CUX1: variants seen among roughly 807,000 people sequenced by gnomAD.
CUX1 encodes cut like homeobox 1, also known as protein CASP.
A neutral mutation model predicts 158.8 loss-of-function variants in CUX1; 31 were observed. The ratio of observed to expected loss-of-function variants is 0.20; its 90% CI spans 0.15 to 0.26. The LOEUF (loss-of-function observed/expected upper bound fraction) is 0.26, where lower values mean the gene tolerates loss of function less well. Among genes scored for constraint, CUX1 ranks in the 10% least tolerant of loss-of-function variants. The pLI is 1.00. For missense variants in CUX1, 1,589 were observed against 2,014.6 expected (o/e 0.79, Z 4.04); for synonymous variants, 879 against 862.1 (o/e 1.02, Z -0.34).
intron 3 of CUX1, among the ~76,000 whole-genome samples, chr7:102,056,732 G>A (rs1456171816): frequency 2.6e-5 from 4 of 151,846 alleles, no homozygotes; most frequent in South Asian, 2.1e-4. Context: ...CACCATGCTC[G>A]GCTACTTTTT....
Position 102,253,947 on chromosome 7 carries a change from C to G in CUX1, c.*4905C>G, listed in dbSNP as rs2734606. The G allele has an allele frequency of 0.69, 680,591 of 985,244 alleles. 235,652 individuals are homozygous for G. The highest frequency in any genetic ancestry group is 0.93 in the East Asian group (8,178 of 8,806). 61.0% of individuals were successfully genotyped at this position (985,244 alleles called of 1,614,324 possible). Reference sequence around the variant, plus strand: ...TGTCCCTTCTACCTCACTAACCTGTCTTCTCCATCTGATGTCACCCAGAAC... The same window carrying G: ...TGTCCCTTCTACCTCACTAACCTGTGTTCTCCATCTGATGTCACCCAGAAC... On this transcript the variant is annotated 3_prime_UTR_variant, in exon 24 of 24. Coordinates refer to ENST00000292535, the MANE Select transcript of CUX1 (RefSeq NM_181552.4).
At position 101,823,285 on chromosome 7, in the gene CUX1, C is replaced by T. The variant is rs1412051306; in HGVS notation, c.30+5616C>T. On this transcript the variant is annotated intron_variant, in intron 1 of 23. Coordinates refer to ENST00000292535, the MANE Select transcript of CUX1 (RefSeq NM_181552.4). ...AATCACACAGGTGACTGGAACGGAG[C>T]CAAGGATGGTGGTGTTCCTCCTAGG... Among the ~76,000 whole-genome samples the T allele has an allele frequency of 6.6e-5, 10 of 152,222 alleles. No homozygotes were observed. The East Asian group carries it at 1.2e-3, about 18-fold the overall frequency.
intron 8 of CUX1, among the ~76,000 whole-genome samples, chr7:102,134,063 G>A (rs1332924593): frequency 6.6e-6 from 1 of 152,188 alleles, no homozygotes; most frequent in African/African-American, 2.4e-5. Context: ...GTCCTGGCGC[G>A]CTGGCTCACA....
At chr7:102,119,874 C>T (rs782020245) in intron 8 of CUX1, among the ~76,000 whole-genome samples, 1 of 152,160 alleles carries the variant, frequency 6.6e-6, no homozygotes, top group African/African-American at 2.4e-5. Context: ...AAAAACATAG[C>T]TCCTTCTCAG....
chr7:102,204,417 C>T lies in CUX1; in HGVS notation c.2934C>T (p.Val978=), dbSNP rs749345115. ...EKVLGLSQGS[V]SDMLSRPKPW... ...TGCTGGGCCTGTCCCAGGGCAGCGT[C>T]AGCGACATGCTGTCCCGACCGAAGC... Residue 978 remains valine, a synonymous_variant, in exon 19 of 24, where the codon GTC becomes GTT. Coordinates refer to ENST00000292535, the MANE Select transcript of CUX1 (RefSeq NM_181552.4). 5 of 1,613,626 alleles carry T rather than the reference C, an allele frequency of 3.1e-6. No homozygotes were observed. The highest frequency in any genetic ancestry group is 4.2e-6 in the Non-Finnish European group (5 of 1,180,032).
At chr7:102,124,755 G>A (rs782389949) in intron 8 of CUX1, among the ~76,000 whole-genome samples, 8 of 151,974 alleles carry the variant, frequency 5.3e-5, no homozygotes, top group Non-Finnish European at 7.4e-5. Flanking sequence ...AGTTAATGCC[G>A]GTATATTGTA....
intron 3 of CUX1, among the ~76,000 whole-genome samples, chr7:102,061,563 G>T (rs12539349): frequency 0.15 from 22,153 of 152,078 alleles, 1,696 homozygotes; most frequent in Middle Eastern, 0.22. Flanking sequence ...GCCCAGAGAG[G>T]TTAATTCAAT....
chr7:102,191,730 T>TCTCTTCTTCTTTCTTCCTCCTC (rs1350985810), intron 12 of CUX1, among the ~76,000 whole-genome samples: 1 of 151,962 alleles, frequency 6.6e-6, no homozygotes, highest in Non-Finnish European at 1.5e-5. Context: ...TCTTTCTTCC[T>TCTCTTCTTCTTTCTTCCTCCTC]CTCTTCTTCT....
chr7:102,091,805 G>GAGTGT lies in CUX1; in HGVS notation c.269-5554_269-5550dup, dbSNP rs377747755. ...GAGTCTTGCTCTATCACCCAGGCTG[G>GAGTGT]AGTGTAGTGGTGTGACCTCGGCTCA... On this transcript the variant is annotated intron_variant, in intron 4 of 23. Coordinates refer to ENST00000292535, the MANE Select transcript of CUX1 (RefSeq NM_181552.4). Among the ~76,000 whole-genome samples the GAGTGT allele has an allele frequency of 1.2e-3, 184 of 152,246 alleles. 1 individual carries two copies. The highest frequency in any genetic ancestry group is 4.3e-3 in the African/African-American group (177 of 41,548).
chr7:102,069,803 C>T (rs1417410074), intron 3 of CUX1, among the ~76,000 whole-genome samples: 1 of 152,166 alleles, frequency 6.6e-6, no homozygotes, highest in Admixed American at 6.5e-5. Flanking sequence ...TGTGTTCGTC[C>T]GTTTACATGC....
At chr7:101,873,659 C>G (rs917367061) in intron 1 of CUX1, among the ~76,000 whole-genome samples, 3 of 152,196 alleles carry the variant, frequency 2.0e-5, no homozygotes, top group Non-Finnish European at 4.4e-5. Context: ...TCTTGGCTCA[C>G]TGCAACCTCC....
intron 6 of CUX1, among the ~76,000 whole-genome samples, chr7:102,108,513 T>A (rs1400670274): frequency 6.6e-6 from 1 of 151,874 alleles, no homozygotes; most frequent in Non-Finnish European, 1.5e-5. Context: ...CCTGGCTAAT[T>A]TTTCAGTAGA....
At chr7:102,019,227 TTTTG>T (rs1379160654) in intron 2 of CUX1, among the ~76,000 whole-genome samples, 28 of 152,008 alleles carry the variant, frequency 1.8e-4, no homozygotes, top group African/African-American at 4.6e-4. Flanking sequence ...ACAAGTCTTT[TTTTG>T]TTTGTTTGTT....
At position 102,252,830 on chromosome 7, in the gene CUX1, T is replaced by C; in HGVS notation, c.*3788T>C. On this transcript the variant is annotated 3_prime_UTR_variant, in exon 24 of 24. Transcript: ENST00000292535. ...CCAGACCTCTCTTTAGAAAGGGTTA[T>C]CAGAGCCATGGAGCTTAGCTCAATT... 1 of 985,444 alleles carries C rather than the reference T, an allele frequency of 1.0e-6. No individual in the cohort carries two copies. The highest frequency in any genetic ancestry group is 1.2e-6 in the Non-Finnish European group (1 of 829,950). 61.0% of individuals were successfully genotyped at this position (985,444 alleles called of 1,614,324 possible).
At chr7:101,844,882 C>T (rs551352759) in intron 1 of CUX1, among the ~76,000 whole-genome samples, 22 of 152,280 alleles carry the variant, frequency 1.4e-4, no homozygotes, top group African/African-American at 4.1e-4. Context: ...TCCCAAAGTG[C>T]TGGGATTACA....
In CUX1 at chr7:102,195,618, C is replaced by T; in HGVS notation, c.1222+15C>T. 6.3e-7 allele frequency: 1 copy of T among 1,592,016 alleles called. No individual in the cohort carries two copies. Among genetic ancestry groups the T allele is most frequent in the Non-Finnish European group, 8.5e-7 (1 of 1,170,450 alleles). ...CGACCTGAGCGGTAGGTTGGCCGGG[C>T]TTCGCGCGTGTGCGGTGGTTGGTTC... On this transcript the variant is annotated intron_variant, in intron 14 of 23. Transcript: ENST00000292535.
intron 23 of CUX1, among the ~76,000 whole-genome samples, chr7:102,245,245 A>G (rs562524435): frequency 2.4e-4 from 36 of 152,038 alleles, no homozygotes; most frequent in African/African-American, 4.8e-4. Context: ...GGGTTTTGCT[A>G]TTTTGCCCAG....
Position 102,248,624 on chromosome 7 carries a change from C to T in CUX1, c.4100C>T (p.Pro1367Leu), listed in dbSNP as rs1554537949. ...SQGEAEREEVPRPAEQTEPPP... is the reference protein window; with the variant it reads ...SQGEAEREEVLRPAEQTEPPP... ...GGAGAGGCCGAGCGGGAGGAGGTGC[C>T]GCGGCCGGCGGAGCAGACGGAGCCG... Residue 1367 changes from proline (P) to leucine (L), a missense_variant, in exon 24 of 24, where the codon CCG becomes CTG. Pro to Leu is a moderately conservative substitution (Grantham distance 98). Coordinates refer to ENST00000292535, the MANE Select transcript of CUX1 (RefSeq NM_181552.4). The surrounding 1 kb of genome is among the most constrained non-coding windows in gnomAD (Gnocchi z 5.8). 2.1e-6 allele frequency: 3 copies of T among 1,426,750 alleles called. No individual in the cohort carries two copies. The highest frequency in any genetic ancestry group is 1.3e-5 in the South Asian group (1 of 74,078). 88.4% of individuals were successfully genotyped at this position (1,426,750 alleles called of 1,614,324 possible).
At chr7:102,221,811 A>G (rs1258625176) in intron 20 of CUX1, among the ~76,000 whole-genome samples, 1 of 151,978 alleles carries the variant, frequency 6.6e-6, no homozygotes, top group Non-Finnish European at 1.5e-5. Context: ...TATTGCTGTC[A>G]AAACTGGATG....
Sources: allele counts gnomAD v4.1 joint callset (sites outside exome capture counted in the v4.1 genomes callset), GRCh38; gene constraint gnomAD v4.1.1; non-coding constraint Gnocchi (gnomAD v3.1); transcripts MANE v1.5; gene names NCBI Gene and HGNC (gene_info 2026-07-23, HGNC 2026-07-21).